Variants in PGAP1 observed in about 807,000 individuals in gnomAD.
The protein encoded by PGAP1 is GPI inositol-deacylase.
In PGAP1, 76 loss-of-function variants were observed where a neutral mutation model predicts 127.0. The observed-to-expected ratio is 0.60, with a 90% CI of 0.50 to 0.72. The LOEUF (loss-of-function observed/expected upper bound fraction) is 0.72. PGAP1 is among the 30% of genes least tolerant of loss of function. The pLI, the probability that PGAP1 is intolerant of heterozygous loss-of-function variation, is 0.00. For synonymous variants in PGAP1, 362 were observed against 366.5 expected (o/e 0.99, Z 0.14); for missense variants, 982 against 1,071.3 (o/e 0.92, Z 1.16).
rs1700168119 is a variant in PGAP1, at chr2:196,834,011, A to G, written c.*7223T>C. 6.6e-6 allele frequency: 1 copy of G among 152,042 alleles called. No homozygotes were observed. 9.4% of individuals were successfully genotyped at this position (152,042 alleles called of 1,614,324 possible). A position where few individuals can be genotyped will look rare whatever the true frequency, so the allele number is the denominator to read the frequency against. On this transcript the variant is annotated 3_prime_UTR_variant, in exon 27 of 27. Coordinates refer to ENST00000354764, the MANE Select transcript of PGAP1 (RefSeq NM_024989.4). ...ATGAGTTTATTAATTATTAAAAATA[A>G]TTATTGTGTAAATTAACCTTATTTG...
intron 12 of PGAP1, among the ~76,000 whole-genome samples, chr2:196,884,066 A>C (rs1292875773): frequency 1.3e-5 from 2 of 152,214 alleles, no homozygotes; most frequent in Non-Finnish European, 2.9e-5. Flanking sequence ...TGGAGATTTA[A>C]AAGAATAATA....
rs964461262 is a variant in PGAP1, at chr2:196,836,258, A to G, written c.*4976T>C. On this transcript the variant is annotated 3_prime_UTR_variant, in exon 27 of 27. Transcript: ENST00000354764. ...TGTTTTTGGCAGCATAACATGCCAA[A>G]CACTTTCAGAAAGTCCTGTACTTTA... 2 of 152,570 alleles carry G rather than the reference A, an allele frequency of 1.3e-5. No individual in the cohort carries two copies. The highest frequency in any genetic ancestry group is 2.9e-5 in the Non-Finnish European group (2 of 67,960). 9.5% of individuals were successfully genotyped at this position (152,570 alleles called of 1,614,324 possible). A position where few individuals can be genotyped will look rare whatever the true frequency, so the allele number is the denominator to read the frequency against.
chr2:196,877,361 T>C (rs1701599341), intron 13 of PGAP1, among the ~76,000 whole-genome samples: 1 of 152,092 alleles, frequency 6.6e-6, no homozygotes, highest in Admixed American at 6.6e-5. Flanking sequence ...ATGCAAAAAT[T>C]ATGAAAGACT....
rs185378277 is a variant in PGAP1, at chr2:196,873,985, T to C, written c.1427-227A>G. 1.7e-4 allele frequency: 68 copies of C among 390,772 alleles called. No individual in the cohort carries two copies. In the East Asian group the frequency reaches 2.5e-3, roughly 14 times the overall value. The allele number at this position is 390,772 out of a possible 1,614,324, so 24.2% of individuals were successfully genotyped here. ...TCTATCTGCTTTTAAAAAAGTCAGG[T>C]ATATAATTCCAATTTCAGAAAGGTG... On this transcript the variant is annotated intron_variant, in intron 14 of 26. Coordinates refer to ENST00000354764, the MANE Select transcript of PGAP1 (RefSeq NM_024989.4).
intron 18 of PGAP1, among the ~76,000 whole-genome samples, chr2:196,871,500 T>C (rs1701407725): frequency 6.6e-6 from 1 of 152,150 alleles, no homozygotes. Flanking sequence ...GAGCATGCAG[T>C]AGTTGGAGTC....
chr2:196,879,387 T>G (rs1016647032), intron 13 of PGAP1, among the ~76,000 whole-genome samples: 1 of 152,176 alleles, frequency 6.6e-6, no homozygotes, highest in African/African-American at 2.4e-5. Flanking sequence ...CAATAGTATG[T>G]AGCTTTTTAA....
At chr2:196,849,149 C>G (rs943463589) in intron 20 of PGAP1, among the ~76,000 whole-genome samples, 4 of 151,698 alleles carry the variant, frequency 2.6e-5, no homozygotes, top group African/African-American at 9.7e-5. Context: ...GTCTGAGAAT[C>G]AATTATCAAG....
chr2:196,844,168 AC>A, intron 24 of PGAP1, 93 bp from the exon 25 acceptor site: 4 of 721,786 alleles, frequency 5.5e-6, no homozygotes, highest in African/African-American at 1.8e-5. Flanking sequence ...CTAAATAAGT[AC>A]ATCTTTCCAT....
intron 13 of PGAP1, among the ~76,000 whole-genome samples, chr2:196,876,990 T>A (rs191375249): frequency 3.0e-4 from 45 of 152,220 alleles, no homozygotes; most frequent in Admixed American, 2.7e-3. Context: ...TTACATTTTT[T>A]ACAAAGTACT....
At chr2:196,919,795 T>C (rs778685619) in intron 2 of PGAP1, among the ~76,000 whole-genome samples, 5 of 152,302 alleles carry the variant, frequency 3.3e-5, no homozygotes, top group South Asian at 2.1e-4. Flanking sequence ...CTTTGCAAAG[T>C]GGTCTTCAAC....
At chr2:196,900,583 T>C (rs1314907545) in intron 5 of PGAP1, among the ~76,000 whole-genome samples, 1 of 152,166 alleles carries the variant, frequency 6.6e-6, no homozygotes, top group African/African-American at 2.4e-5. Context: ...ATAAGTAAAA[T>C]ATCTTCATCA....
intron 5 of PGAP1, among the ~76,000 whole-genome samples, chr2:196,900,548 C>T (rs1431940313): frequency 6.6e-6 from 1 of 152,202 alleles, no homozygotes; most frequent in Non-Finnish European, 1.5e-5. Flanking sequence ...TTAGGTTATA[C>T]AATGGCAAGC....
intron 12 of PGAP1, 73 bp from the exon 13 acceptor site, chr2:196,880,226 CTT>C (rs1701689447): frequency 2.2e-6 from 2 of 903,236 alleles, no homozygotes; most frequent in South Asian, 1.7e-5. Context: ...ATAAATAACA[CTT>C]ATTTCTTACT....
rs1201448629 is a variant in PGAP1 at position 196,847,092 on chromosome 2, A to G, written c.2061T>C (p.Phe687=). The change falls in exon 22 of 27, where the codon TTT becomes TTC. Residue 687 remains phenylalanine, a synonymous_variant. Transcript: ENST00000354764. ...AGTAGGCAGTACACGTTCCAAACAG[A>G]AAGAGAATCAAGGATATCAGGGGGA... ...MCFPLISLIL[F]LFGTCTAYWS... 2 of 1,613,632 alleles carry G rather than the reference A, an allele frequency of 1.2e-6. No homozygotes were observed. Among genetic ancestry groups the G allele is most frequent in the African/African-American group, 2.7e-5 (2 of 74,918 alleles).
chr2:196,895,562 AG>A (rs1368245626), intron 7 of PGAP1, among the ~76,000 whole-genome samples: 2 of 152,232 alleles, frequency 1.3e-5, no homozygotes, highest in African/African-American at 4.8e-5. Flanking sequence ...AACTTGGTGA[AG>A]CTTGTTTAAA....
intron 12 of PGAP1, among the ~76,000 whole-genome samples, chr2:196,883,846 A>G (rs1391938743): frequency 6.6e-6 from 1 of 152,202 alleles, no homozygotes; most frequent in Non-Finnish European, 1.5e-5. Context: ...TTTGACTTTC[A>G]TTAAAATAAA....
chr2:196,926,024 T>C (rs1232431301), intron 1 of PGAP1, among the ~76,000 whole-genome samples: 5 of 151,586 alleles, frequency 3.3e-5, no homozygotes, highest in African/African-American at 1.2e-4. Flanking sequence ...CGAGGGGAAT[T>C]TAGGCGCGTG....
rs145141597 is a variant in PGAP1, at chr2:196,926,491, C to G, written c.126G>C (p.Met42Ile). The stretch of plus-strand genomic sequence containing the variant: ...TTACCTGATACTCCGGGTACTCAAA[C>G]ATGTAGCTCATACTGCACTTATTCT... ...FEENKCSMSY[M>I]FEYPEYQKIE... Residue 42 changes from methionine (M) to isoleucine (I), a missense_variant, in exon 1 of 27, where the codon ATG becomes ATC. Physicochemically the swap from Met to Ile is conservative, Grantham distance 10. Coordinates refer to ENST00000354764, the MANE Select transcript of PGAP1 (RefSeq NM_024989.4). 1.2e-6 allele frequency: 2 copies of G among 1,613,798 alleles called. No homozygotes were observed. Among genetic ancestry groups the G allele is most frequent in the Non-Finnish European group, 1.7e-6 (2 of 1,179,874 alleles).
intron 19 of PGAP1, among the ~76,000 whole-genome samples, chr2:196,870,716 G>A (rs988809179): frequency 6.6e-6 from 1 of 152,058 alleles, no homozygotes; most frequent in Non-Finnish European, 1.5e-5. Context: ...TATGGTCTGT[G>A]GGCCAAGAAT....
Sources: allele counts gnomAD v4.1 joint callset (sites outside exome capture counted in the v4.1 genomes callset), GRCh38; gene constraint gnomAD v4.1.1; transcripts MANE v1.5; gene names NCBI Gene and HGNC (gene_info 2026-07-23, HGNC 2026-07-21).